The following FHIP2A variants were observed in gnomAD, a reference collection of about 807,000 sequenced individuals.
The protein encoded by FHIP2A is family with sequence similarity 160 member B1.
FHIP2A carries 46 observed loss-of-function variants against 93.5 expected under a neutral mutation model. That is an observed-to-expected ratio of 0.49 (90% CI 0.39 to 0.63). The LOEUF (loss-of-function observed/expected upper bound fraction) is 0.63, where lower values mean the gene tolerates loss of function less well. FHIP2A is among the 20% of genes least tolerant of loss of function. The pLI is 0.00. For synonymous variants in FHIP2A, 332 were observed against 326.5 expected (o/e 1.02, Z -0.18); for missense variants, 769 against 909.7 (o/e 0.85, Z 1.99).
chr10:114,861,146 G>C, intron 15 of FHIP2A, 85 bp from the exon 16 acceptor site: 1 of 1,543,348 alleles, frequency 6.5e-7, no homozygotes, highest in Non-Finnish European at 8.8e-7. Context: ...TTAAATAGTA[G>C]GGAAGGAAGA....
rs2420065 is a variant in FHIP2A at position 114,823,994 on chromosome 10, A to C, written c.45+1871A>C. 3.9e-4 allele frequency among the ~76,000 whole-genome samples: 59 copies of C among 152,130 alleles called. No homozygotes were observed. The East Asian group carries it at 0.01, about 27-fold the overall frequency. On this transcript the variant is annotated intron_variant, in intron 1 of 16. Coordinates refer to ENST00000369248, the MANE Select transcript of FHIP2A (RefSeq NM_020940.4). ...CCAAAAAGCAAAACTTGAATTTGCC[A>C]TATTCAAGTACTGCCTTGAATCCAT...
At chr10:114,833,489 T>C in intron 3 of FHIP2A, 87 bp downstream of exon 3, 1 of 1,230,580 alleles carries the variant, frequency 8.1e-7, no homozygotes, top group Non-Finnish European at 1.2e-6. Context: ...TACTTGATTA[T>C]AAAGGTACAT....
chr10:114,837,595 C>A (rs951894863), intron 5 of FHIP2A, among the ~76,000 whole-genome samples: 1 of 152,116 alleles, frequency 6.6e-6, no homozygotes, highest in Non-Finnish European at 1.5e-5. Context: ...AGAATTCACT[C>A]GTTTCAGTCT....
chr10:114,822,618 G>A (rs983316762), intron 1 of FHIP2A, among the ~76,000 whole-genome samples: 5 of 152,222 alleles, frequency 3.3e-5, no homozygotes, highest in East Asian at 1.9e-4. Flanking sequence ...GTAGAGGTGG[G>A]AGAGGCATGG....
chr10:114,873,258 C>G (rs929754939), intron 16 of FHIP2A, among the ~76,000 whole-genome samples: 1 of 152,054 alleles, frequency 6.6e-6, no homozygotes, highest in Admixed American at 6.6e-5. Context: ...GTAGGATGCC[C>G]TCTATTGGAA....
At chr10:114,867,941 ATT>A (rs3981290), downstream of FHIP2A, among the ~76,000 whole-genome samples, 43,996 of 140,822 alleles carry the variant, frequency 0.31, 7,021 homozygotes, top group Non-Finnish European at 0.38. Context: ...GTGCTTTATA[ATT>A]TTTTTTTTTT....
In FHIP2A at chr10:114,836,236, T is replaced by C; in HGVS notation, c.512T>C (p.Phe171Ser). ...AAACAGGACCCCTACCTGGTTAACT[T>C]TTTCCTAGAGGTATGATACACTTTT... ...KLKQDPYLVN[F>S]FLENKMKSLA... Residue 171 changes from phenylalanine (F) to serine (S), a missense_variant, in exon 5 of 17, where the codon TTT becomes TCT. Physicochemically the swap from Phe to Ser is radical, Grantham distance 155. Coordinates refer to ENST00000369248, the MANE Select transcript of FHIP2A (RefSeq NM_020940.4). 6.3e-7 allele frequency: 1 copy of C among 1,592,748 alleles called. No individual in the cohort carries two copies. The highest frequency in any genetic ancestry group is 8.6e-7 in the Non-Finnish European group (1 of 1,165,384).
At chr10:114,851,096 T>C (rs1320921271) in intron 13 of FHIP2A, among the ~76,000 whole-genome samples, 1 of 152,144 alleles carries the variant, frequency 6.6e-6, no homozygotes, top group Non-Finnish European at 1.5e-5. Flanking sequence ...GTATTTTTAG[T>C]AGAGATGGAG....
At chr10:114,840,230 A>G (rs1490045601) in intron 5 of FHIP2A, among the ~76,000 whole-genome samples, 3 of 152,198 alleles carry the variant, frequency 2.0e-5, no homozygotes, top group African/African-American at 7.2e-5. Flanking sequence ...CTCTATAAAA[A>G]ATAAATAAAT....
chr10:114,879,014 T>A (rs1161063663), intron 16 of FHIP2A, among the ~76,000 whole-genome samples: 1 of 152,220 alleles, frequency 6.6e-6, no homozygotes, highest in Non-Finnish European at 1.5e-5. Flanking sequence ...GCTACATTTT[T>A]ACAGAACAGC....
chr10:114,834,747 A>G (rs2083627167), intron 3 of FHIP2A, among the ~76,000 whole-genome samples: 1 of 152,198 alleles, frequency 6.6e-6, no homozygotes, highest in Non-Finnish European at 1.5e-5. Flanking sequence ...TATAATCATA[A>G]TGTAAATAAT....
chr10:114,882,761 G>C (rs1163697161), intron 16 of FHIP2A, among the ~76,000 whole-genome samples: 2 of 152,020 alleles, frequency 1.3e-5, no homozygotes, highest in East Asian at 3.9e-4. Flanking sequence ...TGTAGTCCAA[G>C]CTACTTGGGA....
rs1396719853 is a variant in FHIP2A, at chr10:114,863,361, A to C, written c.*1821A>C. On this transcript the variant is annotated 3_prime_UTR_variant, in exon 17 of 17. Transcript: ENST00000369248. The stretch of plus-strand genomic sequence containing the variant: ...AAACTAAGGCATTAAGAGATATTAG[A>C]TATTTCTTAATGTTTTCATAGTGCT... The C allele has an allele frequency of 1.0e-6, 1 of 991,234 alleles. No individual in the cohort carries two copies. Among genetic ancestry groups the C allele is most frequent in the Non-Finnish European group, 1.2e-6 (1 of 832,092 alleles). The allele number at this position is 991,234 out of a possible 1,614,324, so 61.4% of individuals were successfully genotyped here. A position where few individuals can be genotyped will look rare whatever the true frequency, so the allele number is the denominator to read the frequency against.
At chr10:114,869,264 G>T (rs2083845501), downstream of FHIP2A, among the ~76,000 whole-genome samples, 1 of 152,208 alleles carries the variant, frequency 6.6e-6, no homozygotes, top group Non-Finnish European at 1.5e-5. Flanking sequence ...AGAGAGCCAT[G>T]TACTGGAGAT....
Position 114,846,655 on chromosome 10 carries a change from A to G in FHIP2A, c.1495A>G (p.Asn499Asp). Reference protein sequence around the residue: ...NLVLRNLEERNYTEYKPLCPE... With the variant: ...NLVLRNLEERDYTEYKPLCPE... ...GGTCTTGAGAAATCTTGAAGAAAGA[A>G]ATTATACAGAATATAAACCTTTGTG... The change falls in exon 11 of 17, where the codon AAT becomes GAT. Residue 499 changes from asparagine (N) to aspartate (D), a missense_variant. Coordinates refer to ENST00000369248, the MANE Select transcript of FHIP2A (RefSeq NM_020940.4). 6.2e-7 allele frequency: 1 copy of G among 1,612,252 alleles called. No individual in the cohort carries two copies. The highest frequency in any genetic ancestry group is 8.5e-7 in the Non-Finnish European group (1 of 1,179,418).
intron 5 of FHIP2A, among the ~76,000 whole-genome samples, chr10:114,836,485 TGG>T (rs1415447832): frequency 8.5e-5 from 13 of 152,284 alleles, no homozygotes; most frequent in African/African-American, 2.6e-4. Flanking sequence ...TACAAAGTCA[TGG>T]CTTAAAAGAG....
In FHIP2A at chr10:114,821,832, G is replaced by A. The variant is rs1346546324; in HGVS notation, c.-247G>A. Reference sequence around the variant, plus strand: ...GGTGCCGCCGCCGGAGCTTCTCCGGGCCCCGAGTCCTCGCCGAACGCCCTC... The same window carrying A: ...GGTGCCGCCGCCGGAGCTTCTCCGGACCCCGAGTCCTCGCCGAACGCCCTC... On this transcript the variant is annotated 5_prime_UTR_variant, in exon 1 of 17. Coordinates refer to ENST00000369248, the MANE Select transcript of FHIP2A (RefSeq NM_020940.4). The A allele has an allele frequency of 3.9e-5, 9 of 229,696 alleles. No homozygotes were observed. The highest frequency in any genetic ancestry group is 6.9e-5 in the African/African-American group (3 of 43,412). 14.2% of individuals were successfully genotyped at this position (229,696 alleles called of 1,614,324 possible).
At chr10:114,854,543 A>G (rs1189960429) in intron 13 of FHIP2A, among the ~76,000 whole-genome samples, 2 of 152,218 alleles carry the variant, frequency 1.3e-5, no homozygotes, top group African/African-American at 4.8e-5. Flanking sequence ...AAAAAGACAC[A>G]AAATACAAAC....
chr10:114,888,990 A>G (rs1324313659), intron 16 of FHIP2A, among the ~76,000 whole-genome samples: 2 of 151,988 alleles, frequency 1.3e-5, no homozygotes, highest in African/African-American at 4.8e-5. Context: ...TGATTTCCTT[A>G]TGAAGCATTC....
Sources: allele counts gnomAD v4.1 joint callset (sites outside exome capture counted in the v4.1 genomes callset), GRCh38; gene constraint gnomAD v4.1.1; transcripts MANE v1.5; gene names NCBI Gene and HGNC (gene_info 2026-07-23, HGNC 2026-07-21).